The following MDK variants were observed in gnomAD, a reference collection of about 807,000 sequenced individuals.
The protein encoded by MDK is amphiregulin-associated protein.
In MDK, 17 loss-of-function variants were observed where a neutral mutation model predicts 18.9. That is an observed-to-expected ratio of 0.90 (90% CI 0.62 to 1.35). The LOEUF is 1.35. Among genes scored for constraint, MDK ranks in the 40% most tolerant of loss-of-function variants. The pLI is 0.00. For missense variants in MDK, 180 were observed against 186.3 expected, an observed-to-expected ratio of 0.97 and a Z score of 0.20; for synonymous variants, 86 against 74.3, an observed-to-expected ratio of 1.16 and a Z score of -0.81.
rs78140628 is a variant in MDK, at chr11:46,383,496, C to T, written c.*2C>T. On this transcript the variant is annotated 3_prime_UTR_variant, in exon 5 of 5. Transcript: ENST00000395566. ...AAGAAAGGGAAGGGAAAGGACTAGACGCCAAGCCTGGATGCCAAGGAGCCC... is the reference window on the plus strand; with the variant it reads ...AAGAAAGGGAAGGGAAAGGACTAGATGCCAAGCCTGGATGCCAAGGAGCCC... 2.2e-3 allele frequency: 3,534 copies of T among 1,612,084 alleles called. 6 individuals are homozygous for T. Among genetic ancestry groups the T allele is most frequent in the Non-Finnish European group, 2.8e-3 (3,264 of 1,178,872 alleles).
In MDK at chr11:46,383,475, A is replaced by C; in HGVS notation, c.413A>C (p.Lys138Thr). 1 of 1,595,818 alleles carries C rather than the reference A, an allele frequency of 6.3e-7. No homozygotes were observed. Among genetic ancestry groups the C allele is most frequent in the South Asian group, 1.1e-5 (1 of 89,468 alleles). Residue 138 changes from lysine to threonine, a missense_variant, in exon 5 of 5, where the codon AAA becomes ACA. Physicochemically the swap from Lys to Thr is moderately conservative, Grantham distance 78. Transcript: ENST00000395566. ...PKTKAKAKAK[K>T]GKGKD ...TTTCTTTCTTGTTTTACAGCCAAGA[A>C]AGGGAAGGGAAAGGACTAGACGCCA...
chr11:46,382,781 C>CGGGG (rs1342765590), intron 4 of MDK, 33 bp downstream of exon 4: 1 of 470,114 alleles, frequency 2.1e-6, no homozygotes, highest in Non-Finnish European at 3.0e-6. Context: ...GGGGCTGTCG[C>CGGGG]GGGGGGCTGC....
intron 1 of MDK, 62 bp from the exon 2 acceptor site, chr11:46,381,995 G>A: frequency 6.6e-7 from 1 of 1,520,160 alleles, no homozygotes; most frequent in Non-Finnish European, 8.9e-7. Flanking sequence ...GGAGGGCCCT[G>A]CACGCGGCCC....
At chr11:46,381,978 G>T (rs1005126297) in intron 1 of MDK, 79 bp from the exon 2 acceptor site, 3 of 1,430,030 alleles carry the variant, frequency 2.1e-6, no homozygotes, top group East Asian at 2.5e-5. Context: ...TGGAGCACGC[G>T]GAGGTGGGAG....
At chr11:46,381,423 C>A, upstream of MDK, 2 of 150,336 alleles carry the variant, frequency 1.3e-5, no homozygotes, top group South Asian at 3.8e-4. Context: ...GGCCCGGGGT[C>A]GGGAGACCAC....
intron 3 of MDK, 44 bp from the exon 4 acceptor site, chr11:46,382,543 G>T (rs953320775): frequency 1.3e-6 from 2 of 1,568,748 alleles, no homozygotes. Context: ...CGGAGGGCGG[G>T]GCCGCGGGCC....
chr11:46,382,952 A>C, intron 4 of MDK: 1 of 634,464 alleles, frequency 1.6e-6, no homozygotes, highest in Non-Finnish European at 2.8e-6. Context: ...GGGGACATAA[A>C]TCCTCCCTGG....
At chr11:46,383,436 A>G (rs751236487) in intron 4 of MDK, 33 bp from the exon 5 acceptor site, 4 of 1,551,506 alleles carry the variant, frequency 2.6e-6, no homozygotes, top group Middle Eastern at 2.2e-4. Flanking sequence ...CTAACTGCTG[A>G]TATGGTATTA....
intron 2 of MDK, 34 bp downstream of exon 2, chr11:46,382,167 G>A: frequency 1.2e-6 from 2 of 1,608,478 alleles, no homozygotes; most frequent in Non-Finnish European, 8.5e-7. Flanking sequence ...GGCTGGGGAC[G>A]GGCAGGCGAG....
chr11:46,383,389 G>A (rs906382249), intron 4 of MDK, 80 bp from the exon 5 acceptor site: 1 of 1,105,382 alleles, frequency 9.0e-7, no homozygotes, highest in Non-Finnish European at 1.3e-6. Flanking sequence ...CCTGATGCCC[G>A]GGTGTTTGTG....
At position 46,382,479 on chromosome 11, in the gene MDK, CAG is replaced by C; in HGVS notation, c.244+21_244+22del. 1 of 1,522,210 alleles carries C rather than the reference CAG, an allele frequency of 6.6e-7. No individual in the cohort carries two copies. Among genetic ancestry groups the C allele is most frequent in the East Asian group, 2.4e-5 (1 of 42,418 alleles). 94.3% of individuals were successfully genotyped at this position (1,522,210 alleles called of 1,614,324 possible). A position where few individuals can be genotyped will look rare whatever the true frequency, so the allele number is the denominator to read the frequency against. On this transcript the variant is annotated intron_variant, in intron 3 of 4. Coordinates refer to ENST00000395566, the MANE Select transcript of MDK (RefSeq NM_002391.6). ...GTTTGGAGGTGAGGCGGGGCGCAGT[CAG>C]AGGGCAGGAGACGGGGGGCACAGCC...
intron 4 of MDK, 39 bp downstream of exon 4, chr11:46,382,787 G>GGGGGGGGC: frequency 2.7e-5 from 41 of 1,498,204 alleles, no homozygotes; most frequent in Non-Finnish European, 3.0e-5. Flanking sequence ...GTCGCGGGGG[G>GGGGGGGGC]CTGCCCCCCC....
rs778003433 is a variant in MDK, at chr11:46,382,114, C to T, written c.57C>T (p.Ser19=). The part of the protein sequence containing the change: ...LTLLALLALT[S]AVAKKKDKVK... Reference sequence around the variant, plus strand: ...TCCTCGCCCTGCTGGCGCTCACCTCCGCGGTCGCCAAAAAGAAAGGTGATG... The same window carrying T: ...TCCTCGCCCTGCTGGCGCTCACCTCTGCGGTCGCCAAAAAGAAAGGTGATG... Residue 19 remains serine, a synonymous_variant, in exon 2 of 5, where the codon TCC becomes TCT. Transcript: ENST00000395566. 2 of 1,611,142 alleles carry T rather than the reference C, an allele frequency of 1.2e-6. No individual in the cohort carries two copies. Among genetic ancestry groups the T allele is most frequent in the East Asian group, 2.2e-5 (1 of 44,830 alleles).
downstream of MDK, chr11:46,383,808 CTCT>C (rs1945298250): frequency 2.3e-6 from 1 of 443,500 alleles, no homozygotes; most frequent in African/African-American, 2.0e-5. Context: ...CCAATAAAAG[CTCT>C]TCTTTTTTAA....
At position 46,383,567 on chromosome 11, in the gene MDK, C is replaced by G; in HGVS notation, c.*73C>G. The G allele has an allele frequency of 1.5e-6, 2 of 1,353,118 alleles. No individual in the cohort carries two copies. The highest frequency in any genetic ancestry group is 2.1e-6 in the Non-Finnish European group (2 of 945,034). 83.8% of individuals were successfully genotyped at this position (1,353,118 alleles called of 1,614,324 possible). ...GCCCACGCCCTCCCTCTCCCAGGCC[C>G]GAGATGTGACCCACCAGTGCCTTCT... is the stretch of plus-strand genomic sequence containing the variant. On this transcript the variant is annotated 3_prime_UTR_variant, in exon 5 of 5. Coordinates refer to ENST00000395566, the MANE Select transcript of MDK (RefSeq NM_002391.6).
At chr11:46,382,524 GAC>G in intron 3 of MDK, 61 bp from the exon 4 acceptor site, 1 of 1,552,784 alleles carries the variant, frequency 6.4e-7, no homozygotes. Flanking sequence ...AGCCTGGGCG[GAC>G]CCTTGGCGGA....
Position 46,382,473 on chromosome 11 carries a change from C to A in MDK, c.244+12C>A. On this transcript the variant is annotated intron_variant, in intron 3 of 4. Transcript: ENST00000395566. The stretch of plus-strand genomic sequence containing the variant: ...GAAGGAGTTTGGAGGTGAGGCGGGG[C>A]GCAGTCAGAGGGCAGGAGACGGGGG... 1.3e-6 allele frequency: 2 copies of A among 1,520,124 alleles called. No homozygotes were observed. Among genetic ancestry groups the A allele is most frequent in the Non-Finnish European group, 8.8e-7 (1 of 1,131,012 alleles). 94.2% of individuals were successfully genotyped at this position (1,520,124 alleles called of 1,614,324 possible).
chr11:46,382,817 G>T, intron 4 of MDK, 69 bp downstream of exon 4: 1 of 1,513,454 alleles, frequency 6.6e-7, no homozygotes. Context: ...CCTGTGAGGG[G>T]ACAATTCCAA....
rs1425612035 is a variant in MDK, at chr11:46,383,729, G to C, written c.*235G>C. ...CTCCCCCAAAGCAATGTGAGTCCCA[G>C]AGCCCGCTTTTGTTCTTCCCCACAA... On this transcript the variant is annotated 3_prime_UTR_variant, in exon 5 of 5. Coordinates refer to ENST00000395566, the MANE Select transcript of MDK (RefSeq NM_002391.6). 1.5e-6 allele frequency: 1 copy of C among 653,590 alleles called. No homozygotes were observed. The highest frequency in any genetic ancestry group is 2.8e-6 in the Non-Finnish European group (1 of 352,196). The allele number at this position is 653,590 out of a possible 1,614,324, so 40.5% of individuals were successfully genotyped here.
Sources: gnomAD v4.1 joint callset for allele counts on GRCh38, gnomAD v4.1.1 for gene constraint, MANE v1.5 for transcripts, NCBI Gene and HGNC (gene_info 2026-07-23, HGNC 2026-07-21) for gene names.